Variants in GOLGB1 observed in about 807,000 individuals in gnomAD.
The protein encoded by GOLGB1 is golgin subfamily B member 1.
GOLGB1 carries 174 observed loss-of-function variants against 336.9 expected under a neutral mutation model. The observed-to-expected ratio is 0.52, with a 90% CI of 0.46 to 0.59. GOLGB1 has a LOEUF of 0.59. Ranked by LOEUF, GOLGB1 falls within the 20% of genes least tolerant of loss-of-function variation. The probability of loss-of-function intolerance (pLI) is 0.00; values close to 1 mark genes in which losing one functional copy is unlikely to be tolerated. For synonymous variants in GOLGB1, 1,208 were observed against 1,289.2 expected, an observed-to-expected ratio of 0.94 and a Z score of 1.35; for missense variants, 3,331 against 3,645.3, an observed-to-expected ratio of 0.91 and a Z score of 2.22.
At chr3:121,668,672 C>CAAAA (rs138891151) in intron 18 of GOLGB1, among the ~76,000 whole-genome samples, 2 of 66,630 alleles carry the variant, frequency 3.0e-5, no homozygotes, top group Non-Finnish European at 6.9e-5. Flanking sequence ...GACTCCGTCT[C>CAAAA]AAAAAAAAAA....
chr3:121,671,810 C>T (rs1450145065), intron 17 of GOLGB1, among the ~76,000 whole-genome samples: 1 of 152,110 alleles, frequency 6.6e-6, no homozygotes, highest in East Asian at 1.9e-4. Context: ...TTTATCCTTC[C>T]CAGCCTTTAG....
At position 121,668,089 on chromosome 3, in the gene GOLGB1, G is replaced by A. The variant is rs763837909; in HGVS notation, c.9391C>T (p.Pro3131Ser). The A allele has an allele frequency of 4.4e-6, 7 of 1,606,286 alleles. No homozygotes were observed. The highest frequency in any genetic ancestry group is 3.3e-5 in the South Asian group (3 of 90,502). The stretch of plus-strand genomic sequence containing the variant: ...TGCTGCGGTTCCCTTAGTTCCTCAG[G>A]GTCACTCTTTCTGTGAACTCCATTC... ...EKNGVHRKSDPEELREPQQSF... is the reference protein window; with the variant it reads ...EKNGVHRKSDSEELREPQQSF... Residue 3131 changes from proline to serine, a missense_variant, in exon 19 of 22, where the codon CCT becomes TCT. Pro to Ser is a moderately conservative substitution (Grantham distance 74, BLOSUM62 -1). Coordinates refer to ENST00000614479, the MANE Select transcript of GOLGB1 (RefSeq NM_001366282.2).
chr3:121,730,808 A>T, intron 2 of GOLGB1, 68 bp downstream of exon 2: 1 of 1,500,682 alleles, frequency 6.7e-7, no homozygotes, highest in South Asian at 1.3e-5. Context: ...CTTCTATCTT[A>T]AATTATTTTC....
In GOLGB1 at chr3:121,691,575, C is replaced by T. The variant is rs553994812; in HGVS notation, c.7789G>A (p.Ala2597Thr). Residue 2597 changes from alanine (A) to threonine (T), a missense_variant, in exon 14 of 22, where the codon GCC becomes ACC. Ala to Thr is a moderately conservative substitution (Grantham distance 58). Coordinates refer to ENST00000614479, the MANE Select transcript of GOLGB1 (RefSeq NM_001366282.2). ...ANEDLRRSFN[A>T]LQEEKQDLSK... is the part of the protein sequence containing the mutation. ...AAATCTTGTTTCTCTTCTTGTAGGG[C>T]ATTAAAGGACCTCCGCAGATCCTCA... The T allele has an allele frequency of 1.9e-6, 3 of 1,613,710 alleles. No individual in the cohort carries two copies. Among genetic ancestry groups the T allele is most frequent in the South Asian group, 2.2e-5 (2 of 91,008 alleles).
chr3:121,704,677 G>A (rs1229016060), intron 10 of GOLGB1, among the ~76,000 whole-genome samples: 2 of 151,068 alleles, frequency 1.3e-5, no homozygotes, highest in African/African-American at 2.4e-5. Context: ...TCAGGAGGCT[G>A]AGGCAGGAGA....
At position 121,714,912 on chromosome 3, in the gene GOLGB1, A is replaced by G; in HGVS notation, c.1353T>C (p.His451=). 2 of 1,613,384 alleles carry G rather than the reference A, an allele frequency of 1.2e-6. No homozygotes were observed. ...QFLNRLPLQQ[H]ETASQTSFPD... ...GGAAAGAAGTCTGAGATGCTGTTTC[A>G]TGTTGTTGCAAGGGCAGTCTATTTA... The change falls in exon 10 of 22, where the codon CAT becomes CAC. Residue 451 remains histidine, a synonymous_variant. Coordinates refer to ENST00000614479, the MANE Select transcript of GOLGB1 (RefSeq NM_001366282.2).
At position 121,696,583 on chromosome 3, in the gene GOLGB1, C is replaced by T; in HGVS notation, c.3940G>A (p.Ala1314Thr). 1.9e-6 allele frequency: 3 copies of T among 1,614,168 alleles called. No homozygotes were observed. The highest frequency in any genetic ancestry group is 2.5e-6 in the Non-Finnish European group (3 of 1,180,014). Residue 1314 changes from alanine (A) to threonine (T), a missense_variant, in exon 13 of 22, where the codon GCC (alanine) becomes ACC (threonine). Transcript: ENST00000614479. ...QGGTSVAQIK[A>T]QLKEIEAEKV... ...TCAGCCTCTATTTCCTTCAGCTGGG[C>T]CTTAATCTGGGCAACAGAAGTTCCG...
chr3:121,666,261 C>T (rs1413950384), intron 20 of GOLGB1, among the ~76,000 whole-genome samples: 2 of 152,196 alleles, frequency 1.3e-5, no homozygotes, highest in Non-Finnish European at 2.9e-5. Flanking sequence ...CCCCAACTTC[C>T]ATTCTGCATC....
chr3:121,682,116 C>A (rs1941148790), intron 14 of GOLGB1, among the ~76,000 whole-genome samples: 1 of 152,242 alleles, frequency 6.6e-6, no homozygotes, highest in Admixed American at 6.5e-5. Context: ...TCTACTCCTT[C>A]CCCTGGCTCC....
rs78738351 is a variant in GOLGB1 at position 121,667,437 on chromosome 3, G to C, written c.9554+39C>G. Reference sequence around the variant, plus strand: ...AATGTACATGAGTTTGATCAGAAAGGATCGGAAGGGAACAGAGGCTATCTC... The same window carrying C: ...AATGTACATGAGTTTGATCAGAAAGCATCGGAAGGGAACAGAGGCTATCTC... On this transcript the variant is annotated intron_variant, in intron 20 of 21. Coordinates refer to ENST00000614479, the MANE Select transcript of GOLGB1 (RefSeq NM_001366282.2). 2.2e-4 allele frequency: 343 copies of C among 1,594,456 alleles called. 2 individuals carry two copies. The African/African-American group carries it at 4.3e-3, about 20-fold the overall frequency.
At chr3:121,719,607 C>T (rs1945032679) in intron 7 of GOLGB1, 39 bp downstream of exon 7, 1 of 1,547,598 alleles carries the variant, frequency 6.5e-7, no homozygotes. Flanking sequence ...TAAATATTAA[C>T]CAAAATGACA....
At chr3:121,674,724 A>T (rs1249547342) in intron 17 of GOLGB1, among the ~76,000 whole-genome samples, 1 of 152,176 alleles carries the variant, frequency 6.6e-6, no homozygotes, top group Non-Finnish European at 1.5e-5. Context: ...CTCATGAAGG[A>T]ATATGTATAT....
Position 121,687,452 on chromosome 3 carries a change from A to G in GOLGB1, c.8694+3218T>C, listed in dbSNP as rs570669260. ...GAGATGATAACCTGGAAGCAACATT[A>G]TTAGAACAGTTTAAGGGTAAAGTGT... On this transcript the variant is annotated intron_variant, in intron 14 of 21. Coordinates refer to ENST00000614479, the MANE Select transcript of GOLGB1 (RefSeq NM_001366282.2). Among the ~76,000 whole-genome samples the G allele has an allele frequency of 2.6e-5, 4 of 152,334 alleles. No homozygotes were observed. The South Asian group carries it at 8.3e-4, about 32-fold the overall frequency.
At chr3:121,743,837 C>A (rs1160489432) in intron 1 of GOLGB1, among the ~76,000 whole-genome samples, 3 of 152,036 alleles carry the variant, frequency 2.0e-5, no homozygotes, top group Non-Finnish European at 4.4e-5. Flanking sequence ...AAATTACAAA[C>A]CATCTCCCTA....
At chr3:121,709,229 C>T (rs533884306) in intron 10 of GOLGB1, among the ~76,000 whole-genome samples, 2 of 152,214 alleles carry the variant, frequency 1.3e-5, no homozygotes, top group Admixed American at 1.3e-4. Flanking sequence ...ACAGACAATT[C>T]CACAGTCATA....
At chr3:121,728,482 C>G (rs1340517399) in intron 4 of GOLGB1, among the ~76,000 whole-genome samples, 1 of 152,222 alleles carries the variant, frequency 6.6e-6, no homozygotes, top group African/African-American at 2.4e-5. Flanking sequence ...TCCATATAAT[C>G]TGTATCAAAC....
chr3:121,745,534 ATG>A (rs921065338), intron 1 of GOLGB1, among the ~76,000 whole-genome samples: 1 of 150,534 alleles, frequency 6.6e-6, no homozygotes, highest in African/African-American at 2.5e-5. Flanking sequence ...GTATACGTGT[ATG>A]TATATATATA....
intron 6 of GOLGB1, among the ~76,000 whole-genome samples, chr3:121,721,541 G>A (rs1163539093): frequency 6.6e-6 from 1 of 152,220 alleles, no homozygotes; most frequent in Non-Finnish European, 1.5e-5. Flanking sequence ...AGGTGAGTGA[G>A]AGGATGGCTT....
Position 121,749,711 on chromosome 3 carries a change from ACCTT to A in GOLGB1, c.-86_-83del, listed in dbSNP as rs1947628869. The stretch of plus-strand genomic sequence containing the variant: ...TCAGCTCGGGAAGCCCGTACGCGAC[ACCTT>A]CCACCGCCGCGCCCCGCCAGGGACT... On this transcript the variant is annotated 5_prime_UTR_variant, in exon 1 of 22. Coordinates refer to ENST00000614479, the MANE Select transcript of GOLGB1 (RefSeq NM_001366282.2). 6.6e-6 allele frequency: 1 copy of A among 152,604 alleles called. No homozygotes were observed. The highest frequency in any genetic ancestry group is 1.5e-5 in the Non-Finnish European group (1 of 68,424). The allele number at this position is 152,604 out of a possible 1,614,324, so 9.5% of individuals were successfully genotyped here. A position where few individuals can be genotyped will look rare whatever the true frequency, so the allele number is the denominator to read the frequency against.
Sources: gnomAD v4.1 joint callset for allele counts (sites outside exome capture counted in the v4.1 genomes callset) on GRCh38, gnomAD v4.1.1 for gene constraint, MANE v1.5 for transcripts, NCBI Gene and HGNC (gene_info 2026-07-23, HGNC 2026-07-21) for gene names.